MFHAS1: variants seen among roughly 807,000 people sequenced by gnomAD.
MFHAS1 encodes the protein malignant fibrous histiocytoma-amplified sequence 1.
MFHAS1 carries 50 observed loss-of-function variants against 70.4 expected under a neutral mutation model. The observed-to-expected ratio is 0.71, with a 90% CI of 0.57 to 0.90. The LOEUF is 0.90. Among genes scored for constraint, MFHAS1 ranks in the 40% least tolerant of loss-of-function variants. The pLI is 0.00. For missense variants in MFHAS1, 1,795 were observed against 1,347.6 expected (o/e 1.33, Z -5.20); for synonymous variants, 952 against 620.0 (o/e 1.54, Z -7.96).
Position 8,788,550 on chromosome 8 carries a change from A to G in MFHAS1, c.3126-2495T>C, listed in dbSNP as rs551851164. Among the ~76,000 whole-genome samples, 986 of 152,276 alleles carry G rather than the reference A, an allele frequency of 6.5e-3. 8 individuals are homozygous for G. Among genetic ancestry groups the G allele is most frequent in the African/African-American group, 0.022 (902 of 41,550 alleles). On this transcript the variant is annotated intron_variant, in intron 2 of 2. Transcript: ENST00000276282. ...AAAAATTAGCCAGGCGTGGTGGTGC[A>G]TGCCTGTAGTCCCAGCTACTCGGGG... is the stretch of plus-strand genomic sequence containing the variant.
chr8:8,841,287 C>T (rs1367204330), intron 1 of MFHAS1, among the ~76,000 whole-genome samples: 2 of 151,876 alleles, frequency 1.3e-5, no homozygotes, highest in Admixed American at 1.3e-4. Flanking sequence ...CCAGCCTGGC[C>T]AACATAGTGA....
At chr8:8,838,667 G>C (rs1233989086) in intron 1 of MFHAS1, among the ~76,000 whole-genome samples, 1 of 152,072 alleles carries the variant, frequency 6.6e-6, no homozygotes, top group East Asian at 1.9e-4. Flanking sequence ...ACAAAAATTA[G>C]CTGGGCATGG....
chr8:8,843,996 T>A (rs1054047339), intron 1 of MFHAS1, among the ~76,000 whole-genome samples: 2 of 152,206 alleles, frequency 1.3e-5, no homozygotes, highest in Non-Finnish European at 2.9e-5. Context: ...AATCCACTGT[T>A]CTCTGGGACT....
intron 2 of MFHAS1, among the ~76,000 whole-genome samples, chr8:8,793,775 T>C (rs1017399472): frequency 2.6e-5 from 4 of 152,248 alleles, no homozygotes; most frequent in Admixed American, 1.3e-4. Flanking sequence ...GGACTGGAAC[T>C]GAACCATCAG....
At chr8:8,806,615 C>G (rs1479580906) in intron 1 of MFHAS1, among the ~76,000 whole-genome samples, 5 of 152,148 alleles carry the variant, frequency 3.3e-5, no homozygotes, top group Admixed American at 3.3e-4. Context: ...AACACAAGAA[C>G]AATAGATGCT....
chr8:8,794,472 T>C (rs1805826534), intron 2 of MFHAS1, among the ~76,000 whole-genome samples: 1 of 152,198 alleles, frequency 6.6e-6, no homozygotes, highest in Non-Finnish European at 1.5e-5. Context: ...TTTTTGTCCA[T>C]GTGTTCATGG....
chr8:8,880,086 C>T (rs117400045), intron 1 of MFHAS1, among the ~76,000 whole-genome samples: 2,501 of 152,320 alleles, frequency 0.016, 44 homozygotes, highest in Middle Eastern at 0.031. Context: ...TAGAACAGAC[C>T]AGGAGGCTTG....
At chr8:8,809,089 G>A (rs10103502) in intron 1 of MFHAS1, among the ~76,000 whole-genome samples, 15,864 of 152,036 alleles carry the variant, frequency 0.1, 1,033 homozygotes, top group African/African-American at 0.18. Flanking sequence ...TAGGTTGCGC[G>A]CTCCTTGTAA....
chr8:8,864,324 C>T (rs1808779179), intron 1 of MFHAS1, among the ~76,000 whole-genome samples: 2 of 152,230 alleles, frequency 1.3e-5, no homozygotes, highest in East Asian at 1.9e-4. Flanking sequence ...GGGCCGCCCA[C>T]TGCACGATTC....
In MFHAS1 at chr8:8,890,508, G is replaced by A. The variant is rs1208417443; in HGVS notation, c.2551C>T (p.Pro851Ser). 6.2e-7 allele frequency: 1 copy of A among 1,613,624 alleles called. No homozygotes were observed. Among genetic ancestry groups the A allele is most frequent in the Non-Finnish European group, 8.5e-7 (1 of 1,180,056 alleles). ...GGCACCTCGTTCTGCACATAGCATG[G>A]GAACTTGTACCAAGCTGTGGACCCA... is the stretch of plus-strand genomic sequence containing the variant. ...LNGSTAWYKF[P>S]CYVQNEVPHA... Residue 851 changes from proline (P) to serine (S), a missense_variant, in exon 1 of 3, where the codon CCA becomes TCA. Physicochemically the swap from Pro to Ser is moderately conservative, Grantham distance 74. Coordinates refer to ENST00000276282, the MANE Select transcript of MFHAS1 (RefSeq NM_004225.3).
chr8:8,820,942 A>G (rs1245003712), intron 1 of MFHAS1, among the ~76,000 whole-genome samples: 4 of 152,256 alleles, frequency 2.6e-5, no homozygotes, highest in Non-Finnish European at 5.9e-5. Context: ...AGTGAGAGAG[A>G]GAAGCTCTCA....
At chr8:8,830,843 C>T (rs1807359329) in intron 1 of MFHAS1, among the ~76,000 whole-genome samples, 1 of 152,196 alleles carries the variant, frequency 6.6e-6, no homozygotes, top group South Asian at 2.1e-4. Flanking sequence ...GTGATCCGCC[C>T]ACCTCGGCCT....
At chr8:8,853,057 G>A (rs1465558099) in intron 1 of MFHAS1, among the ~76,000 whole-genome samples, 1 of 152,108 alleles carries the variant, frequency 6.6e-6, no homozygotes, top group Non-Finnish European at 1.5e-5. Flanking sequence ...AGCAGCAACT[G>A]CCTGGCTCAG....
chr8:8,789,441 A>G (rs915910284), intron 2 of MFHAS1, among the ~76,000 whole-genome samples: 21 of 152,128 alleles, frequency 1.4e-4, no homozygotes, highest in African/African-American at 4.6e-4. Context: ...GAGACATTGG[A>G]AACAGAGGTC....
intron 1 of MFHAS1, among the ~76,000 whole-genome samples, chr8:8,801,012 G>A (rs995194362): frequency 2.0e-5 from 3 of 152,160 alleles, no homozygotes; most frequent in African/African-American, 4.8e-5. Context: ...TCCGGACATC[G>A]AGACTATCCT....
At chr8:8,848,699 A>C (rs11249896) in intron 1 of MFHAS1, among the ~76,000 whole-genome samples, 54,425 of 152,094 alleles carry the variant, frequency 0.36, 11,313 homozygotes, top group East Asian at 0.72. Context: ...GAATGGACAA[A>C]GATTTTGGTC....
chr8:8,789,795 C>T (rs570633479), intron 2 of MFHAS1, among the ~76,000 whole-genome samples: 1 of 152,280 alleles, frequency 6.6e-6, no homozygotes, highest in East Asian at 1.9e-4. Flanking sequence ...TACTGGCTCT[C>T]ACACTCCAGG....
rs1427519215 is a variant in MFHAS1 at position 8,803,554 on chromosome 8, C to A, written c.2999-6063G>T. Among the ~76,000 whole-genome samples, 7 of 151,162 alleles carry A rather than the reference C, an allele frequency of 4.6e-5. No individual in the cohort carries two copies. The East Asian group carries it at 1.4e-3, about 30-fold the overall frequency. ...AAAGAAAGAAAAAGAAAACTAAATT[C>A]CATCTGTACTGAACATGTATAGACC... On this transcript the variant is annotated intron_variant, in intron 1 of 2. Coordinates refer to ENST00000276282, the MANE Select transcript of MFHAS1 (RefSeq NM_004225.3).
At chr8:8,869,322 A>C (rs1808980068) in intron 1 of MFHAS1, among the ~76,000 whole-genome samples, 1 of 152,222 alleles carries the variant, frequency 6.6e-6, no homozygotes, top group South Asian at 2.1e-4. Flanking sequence ...ACTGAAAATA[A>C]GCTAGAACAA....
Sources: allele counts gnomAD v4.1 joint callset (sites outside exome capture counted in the v4.1 genomes callset), GRCh38; gene constraint gnomAD v4.1.1; transcripts MANE v1.5; gene names NCBI Gene and HGNC (gene_info 2026-07-23, HGNC 2026-07-21).